Variants in CCDC146 observed in about 807,000 individuals in gnomAD.
The protein encoded by CCDC146 is coiled-coil domain containing 146, also known as coiled-coil domain-containing protein 146.
CCDC146 carries 92 observed loss-of-function variants against 119.3 expected under a neutral mutation model. The ratio of observed to expected loss-of-function variants is 0.77; its 90% CI spans 0.65 to 0.92. The LOEUF (loss-of-function observed/expected upper bound fraction) is 0.92. CCDC146 is among the 40% of genes least tolerant of loss of function. The pLI is 0.00. For synonymous variants in CCDC146, 372 were observed against 371.8 expected, an observed-to-expected ratio of 1.00 and a Z score of -0.01; for missense variants, 1,000 against 1,103.0, an observed-to-expected ratio of 0.91 and a Z score of 1.32.
At position 77,274,593 on chromosome 7, in the gene CCDC146, A is replaced by G; in HGVS notation, c.1381A>G (p.Met461Val). The G allele has an allele frequency of 6.2e-7, 1 of 1,613,480 alleles. No individual in the cohort carries two copies. The highest frequency in any genetic ancestry group is 1.3e-5 in the African/African-American group (1 of 75,012). The change falls in exon 11 of 19, where the codon ATG becomes GTG. Residue 461 changes from methionine to valine, a missense_variant. Physicochemically the swap from Met to Val is conservative, Grantham distance 21. Transcript: ENST00000285871. The stretch of plus-strand genomic sequence containing the variant: ...AGAGCTAGTAGTCAACCTTCTCCGC[A>G]TGACTCAAATCAAAATTGATGAAAA... Reference protein sequence around the residue: ...MKELVVNLLRMTQIKIDEKEQ... With the variant: ...MKELVVNLLRVTQIKIDEKEQ...
intron 2 of CCDC146, among the ~76,000 whole-genome samples, chr7:77,173,740 C>T (rs1285032685): frequency 1.3e-5 from 2 of 152,116 alleles, no homozygotes; most frequent in African/African-American, 4.8e-5. Context: ...TGCTGCGTAA[C>T]TATGAGGCCT....
Position 77,199,957 on chromosome 7 carries a change from C to A in CCDC146, c.156+32133C>A, listed in dbSNP as rs1584066073. ...AAGAGGAGATAGCCCTCATCAAACG[C>A]AGTTTGCCAAAAACTGTAACTTACT... On this transcript the variant is annotated intron_variant, in intron 2 of 18. Transcript: ENST00000285871. The A allele has an allele frequency of 3.2e-5, 23 of 713,052 alleles. 1 individual carries two copies. The East Asian group carries it at 6.3e-4, about 20-fold the overall frequency. The allele number at this position is 713,052 out of a possible 1,614,324, so 44.2% of individuals were successfully genotyped here.
At chr7:77,248,022 G>C (rs1170750940) in intron 4 of CCDC146, among the ~76,000 whole-genome samples, 2 of 152,136 alleles carry the variant, frequency 1.3e-5, no homozygotes, top group African/African-American at 2.4e-5. Context: ...CAAAGATAAG[G>C]CATCAACCTA....
At chr7:77,269,561 T>C (rs1793470474) in intron 9 of CCDC146, among the ~76,000 whole-genome samples, 3 of 152,256 alleles carry the variant, frequency 2.0e-5, no homozygotes, top group Non-Finnish European at 2.9e-5. Context: ...ACACAAAATA[T>C]GTGAGGCATG....
rs10253034 is a variant in CCDC146 at position 77,192,164 on chromosome 7, C to T, written c.156+24340C>T. 8.7e-3 allele frequency among the ~76,000 whole-genome samples: 1,326 copies of T among 152,150 alleles called. 9 individuals carry two copies. The highest frequency in any genetic ancestry group is 0.024 in the Middle Eastern group (7 of 294). On this transcript the variant is annotated intron_variant, in intron 2 of 18. Transcript: ENST00000285871. The stretch of plus-strand genomic sequence containing the variant: ...CTGGTCTCACGTGATCCGCCCACCT[C>T]GGCCTCCCAAAGTGCTGGGATTACA...
chr7:77,153,808 C>G (rs897267439), intron 1 of CCDC146, among the ~76,000 whole-genome samples: 1 of 151,246 alleles, frequency 6.6e-6, no homozygotes, highest in Admixed American at 6.6e-5. Context: ...TCATAGATAC[C>G]TTTGGAAGGG....
At chr7:77,224,628 C>T (rs551723155) in intron 2 of CCDC146, among the ~76,000 whole-genome samples, 2 of 152,272 alleles carry the variant, frequency 1.3e-5, no homozygotes, top group African/African-American at 4.8e-5. Flanking sequence ...ATTGTAGTTG[C>T]TATTACAGAA....
intron 17 of CCDC146, among the ~76,000 whole-genome samples, chr7:77,290,005 A>G (rs962549316): frequency 5.3e-5 from 8 of 152,256 alleles, no homozygotes; most frequent in African/African-American, 1.7e-4. Context: ...ATGTCCATCA[A>G]TGATAGACTG....
chr7:77,161,765 T>C (rs1211216154), intron 1 of CCDC146, among the ~76,000 whole-genome samples: 1 of 151,972 alleles, frequency 6.6e-6, no homozygotes, highest in Non-Finnish European at 1.5e-5. Context: ...TGTGCACATG[T>C]ACCCTAAAAC....
At chr7:77,282,980 T>C (rs928833447) in intron 15 of CCDC146, among the ~76,000 whole-genome samples, 195 bp downstream of exon 15, 2 of 152,246 alleles carry the variant, frequency 1.3e-5, no homozygotes, top group Non-Finnish European at 2.9e-5. Flanking sequence ...AGGCTACACA[T>C]TGTCTTTTTT....
At chr7:77,266,106 C>CTGACACCA (rs1793398147) in intron 9 of CCDC146, among the ~76,000 whole-genome samples, 2 of 152,192 alleles carry the variant, frequency 1.3e-5, no homozygotes, top group Admixed American at 6.5e-5. Context: ...GGATTTTGCT[C>CTGACACCA]TGACACCATC....
chr7:77,178,652 TTAC>T (rs1281170332), intron 2 of CCDC146, among the ~76,000 whole-genome samples: 1 of 152,248 alleles, frequency 6.6e-6, no homozygotes, highest in African/African-American at 2.4e-5. Context: ...CATTGATTGT[TTAC>T]TACTGTTGTA....
At chr7:77,259,939 A>AGTGTGTGT (rs58669153) in intron 7 of CCDC146, 70 bp from the exon 8 acceptor site, 4 of 758,064 alleles carry the variant, frequency 5.3e-6, no homozygotes, top group African/African-American at 2.0e-5. Context: ...AAATAAGGCA[A>AGTGTGTGT]GTGTGTGTGT....
intron 2 of CCDC146, among the ~76,000 whole-genome samples, chr7:77,203,662 C>T (rs760440570): frequency 6.6e-5 from 10 of 152,146 alleles, no homozygotes; most frequent in Non-Finnish European, 1.5e-4. Flanking sequence ...TTGCTGAAAG[C>T]CCTTCTGGAT....
chr7:77,262,010 C>A, intron 8 of CCDC146, 111 bp from the exon 9 acceptor site: 1 of 840,522 alleles, frequency 1.2e-6, no homozygotes, highest in Non-Finnish European at 1.8e-6. Flanking sequence ...TAGGTCTTTG[C>A]CAGAAGAGAT....
chr7:77,271,210 C>G (rs1315310873), intron 9 of CCDC146, among the ~76,000 whole-genome samples: 1 of 151,870 alleles, frequency 6.6e-6, no homozygotes, highest in African/African-American at 2.4e-5. Flanking sequence ...GGAAAGCAGA[C>G]CCACCCTTAA....
Position 77,293,113 on chromosome 7 carries a change from G to T in CCDC146, c.2577G>T (p.Leu859=). The T allele has an allele frequency of 6.2e-7, 1 of 1,614,124 alleles. No homozygotes were observed. Among genetic ancestry groups the T allele is most frequent in the Admixed American group, 1.7e-5 (1 of 60,014 alleles). The change falls in exon 18 of 19, where the codon CTG becomes CTT. Residue 859 remains leucine, a synonymous_variant. Coordinates refer to ENST00000285871, the MANE Select transcript of CCDC146 (RefSeq NM_020879.3). The part of the protein sequence containing the change: ...FTCNSRIEKG[L]PLNKEIEKEW... Reference sequence around the variant, plus strand: ...GCAATTCCAGGATAGAAAAAGGTCTGCCACTCAATAAGGAAATTGAGAAAG... The same window carrying T: ...GCAATTCCAGGATAGAAAAAGGTCTTCCACTCAATAAGGAAATTGAGAAAG...
At chr7:77,256,662 A>G (rs1793185147) in intron 6 of CCDC146, among the ~76,000 whole-genome samples, 153 bp downstream of exon 6, 1 of 152,220 alleles carries the variant, frequency 6.6e-6, no homozygotes, top group African/African-American at 2.4e-5. Context: ...AACTAAATCT[A>G]GGCTCTGGGA....
chr7:77,213,986 T>C (rs1038266520), intron 2 of CCDC146, among the ~76,000 whole-genome samples: 5 of 152,166 alleles, frequency 3.3e-5, no homozygotes, highest in African/African-American at 1.2e-4. Flanking sequence ...ATCCCAGCAG[T>C]GGGAGTGCTG....
Sources: allele counts gnomAD v4.1 joint callset (sites outside exome capture counted in the v4.1 genomes callset), GRCh38; gene constraint gnomAD v4.1.1; transcripts MANE v1.5; gene names NCBI Gene and HGNC (gene_info 2026-07-23, HGNC 2026-07-21).